Variants in TMBIM1 observed in about 807,000 individuals in gnomAD.
TMBIM1 encodes the protein transmembrane BAX inhibitor motif containing 1, also known as protein lifeguard 3.
Under a neutral mutation model 45.1 loss-of-function variants are expected in TMBIM1, and 34 were observed. That is an observed-to-expected ratio of 0.75 (90% CI 0.57 to 1.00). TMBIM1 has a LOEUF of 1.00. TMBIM1 is among the 50% of genes least tolerant of loss of function. The probability of loss-of-function intolerance (pLI) is 0.00; values close to 1 mark genes in which losing one functional copy is unlikely to be tolerated. For missense variants in TMBIM1, 374 were observed against 402.4 expected (o/e 0.93, Z 0.60); for synonymous variants, 157 against 153.5 (o/e 1.02, Z -0.17).
At chr2:218,292,347 G>T (rs1228288750) in intron 1 of TMBIM1, 119 bp downstream of exon 1, 1 of 152,230 alleles carries the variant, frequency 6.6e-6, no homozygotes, top group Admixed American at 6.5e-5. Context: ...CCCAGGAGCG[G>T]GCAAGCCGGG....
At chr2:218,283,686 A>G (rs978686040) in intron 1 of TMBIM1, among the ~76,000 whole-genome samples, 4 of 152,182 alleles carry the variant, frequency 2.6e-5, no homozygotes, top group African/African-American at 9.7e-5. Flanking sequence ...GGGATCAAAT[A>G]AAGGACTGTC....
chr2:218,291,083 C>T (rs990300111), intron 1 of TMBIM1, among the ~76,000 whole-genome samples: 2 of 152,112 alleles, frequency 1.3e-5, no homozygotes, highest in Non-Finnish European at 2.9e-5. Context: ...GCTGAGGCAC[C>T]CATTCCCAGG....
chr2:218,275,486 C>T lies in TMBIM1; in HGVS notation c.925G>A (p.Asp309Asn), dbSNP rs1259185032. 10 of 1,612,932 alleles carry T rather than the reference C, an allele frequency of 6.2e-6. No individual in the cohort carries two copies. Among genetic ancestry groups the T allele is most frequent in the African/African-American group, 2.7e-5 (2 of 74,900 alleles). The change falls in exon 12 of 12, where the codon GAT becomes AAT. Residue 309 changes from aspartate (D) to asparagine (N), a missense_variant. Coordinates refer to ENST00000258412, the MANE Select transcript of TMBIM1 (RefSeq NM_022152.6). ...IFTFVLQLMGDRN is the reference protein window; with the variant it reads ...IFTFVLQLMGNRN ...TGGGGGCTTGCTCCTTAATTGCGAT[C>T]CCCCATCAGCTGCAGCACAAAGGTG...
chr2:218,283,943 G>C (rs1240702838), intron 1 of TMBIM1: 1 of 152,156 alleles, frequency 6.6e-6, no homozygotes, highest in African/African-American at 2.4e-5. Context: ...GAAGTGGGCA[G>C]ATCATGAGGT....
chr2:218,278,696 G>C (rs1691523676), intron 5 of TMBIM1, 131 bp from the exon 6 acceptor site: 2 of 981,544 alleles, frequency 2.0e-6, no homozygotes, highest in African/African-American at 1.6e-5. Flanking sequence ...CAGGAAGCAA[G>C]AACGAGATTA....
chr2:218,292,428 C>A (rs1692997725), intron 1 of TMBIM1, 38 bp downstream of exon 1: 1 of 152,302 alleles, frequency 6.6e-6, no homozygotes, highest in Non-Finnish European at 1.5e-5. Flanking sequence ...CCACCGCCCA[C>A]AGTCCCCAAC....
chr2:218,284,840 C>T (rs960856686), intron 1 of TMBIM1, among the ~76,000 whole-genome samples: 1 of 152,242 alleles, frequency 6.6e-6, no homozygotes, highest in Non-Finnish European at 1.5e-5. Context: ...CCTGTAATCT[C>T]AACACTTTGA....
chr2:218,282,693 G>A (rs1280173642), intron 1 of TMBIM1, among the ~76,000 whole-genome samples: 1 of 152,208 alleles, frequency 6.6e-6, no homozygotes, highest in Non-Finnish European at 1.5e-5. Context: ...TGGAGAGCCG[G>A]GGGAAGAAGT....
In TMBIM1 at chr2:218,274,360, G is replaced by C. The variant is rs1029322783; in HGVS notation, c.*1115C>G. On this transcript the variant is annotated 3_prime_UTR_variant, in exon 12 of 12. Coordinates refer to ENST00000258412, the MANE Select transcript of TMBIM1 (RefSeq NM_022152.6). The stretch of plus-strand genomic sequence containing the variant: ...ACCCTTGTCCCCCTTCCCCATTCCA[G>C]CTCAAGGCACTTAATATTACAAAGA... 6 of 154,748 alleles carry C rather than the reference G, an allele frequency of 3.9e-5. No homozygotes were observed. Among genetic ancestry groups the C allele is most frequent in the African/African-American group, 1.4e-4 (6 of 41,408 alleles). The allele number at this position is 154,748 out of a possible 1,614,324, so 9.6% of individuals were successfully genotyped here.
Position 218,282,106 on chromosome 2 carries a change from G to T in TMBIM1, c.36C>A (p.Asp12Glu). 3 of 1,553,326 alleles carry T rather than the reference G, an allele frequency of 1.9e-6. No individual in the cohort carries two copies. The highest frequency in any genetic ancestry group is 1.7e-6 in the Non-Finnish European group (2 of 1,150,978). Reference protein sequence around the residue: ...SNPSAPPPYEDRNPLYPGPPP... With the variant: ...SNPSAPPPYEERNPLYPGPPP... The stretch of plus-strand genomic sequence containing the variant: ...GAGGGCCTGGGTACAGGGGGTTGCG[G>T]TCTTCATATGGTGGTGGGGCGCTGG... Residue 12 changes from aspartate to glutamate, a missense_variant, in exon 2 of 12, where the codon GAC becomes GAA. By Grantham distance (45) the Asp-to-Glu change is conservative (BLOSUM62 2). Coordinates refer to ENST00000258412, the MANE Select transcript of TMBIM1 (RefSeq NM_022152.6).
chr2:218,281,141 G>GTGTTTTTTTTTGGT (rs1691931057), intron 2 of TMBIM1: 1 of 95,702 alleles, frequency 1.0e-5, no homozygotes, highest in South Asian at 2.6e-4. Context: ...TTTTTTTTTG[G>GTGTTTTTTTTTGGT]TTTTTTTTTT....
chr2:218,279,875 G>A, intron 3 of TMBIM1, 151 bp downstream of exon 3: 1 of 652,176 alleles, frequency 1.5e-6, no homozygotes, highest in Non-Finnish European at 2.8e-6. Context: ...GAGAAGCCAG[G>A]TGCCCCTCTG....
chr2:218,277,614 G>A lies in TMBIM1; in HGVS notation c.551+19C>T, dbSNP rs1309107389. On this transcript the variant is annotated intron_variant, in intron 8 of 11. Coordinates refer to ENST00000258412, the MANE Select transcript of TMBIM1 (RefSeq NM_022152.6). Reference sequence around the variant, plus strand: ...ACAATACACATTTCCCAAGAGTGGTGCTTTATCCCTGAATGTACCTGGAAA... The same window carrying A: ...ACAATACACATTTCCCAAGAGTGGTACTTTATCCCTGAATGTACCTGGAAA... 4 of 1,614,050 alleles carry A rather than the reference G, an allele frequency of 2.5e-6. No individual in the cohort carries two copies. The highest frequency in any genetic ancestry group is 2.2e-5 in the East Asian group (1 of 44,894).
At chr2:218,275,963 C>G (rs1368086886) in intron 11 of TMBIM1, 63 bp downstream of exon 11, 1 of 1,557,130 alleles carries the variant, frequency 6.4e-7, no homozygotes, top group Non-Finnish European at 8.7e-7. Context: ...ATTCATGCCC[C>G]CTTCCCTAGA....
At chr2:218,290,155 A>G (rs1692839201) in intron 1 of TMBIM1, 1 of 152,238 alleles carries the variant, frequency 6.6e-6, no homozygotes, top group Non-Finnish European at 1.5e-5. Flanking sequence ...ACGTTAATGA[A>G]TGAGTGCTGG....
At chr2:218,287,484 T>C (rs532080589) in intron 1 of TMBIM1, among the ~76,000 whole-genome samples, 6 of 151,842 alleles carry the variant, frequency 4.0e-5, no homozygotes, top group Non-Finnish European at 8.8e-5. Flanking sequence ...CCGAGGCAGG[T>C]GGATCACGAG....
chr2:218,279,986 AG>A, intron 3 of TMBIM1, 39 bp downstream of exon 3: 1 of 1,526,164 alleles, frequency 6.6e-7, no homozygotes, highest in Non-Finnish European at 9.1e-7. Flanking sequence ...CCACAGCCTG[AG>A]GGGCCCCAGG....
chr2:218,275,362 C>T lies in TMBIM1; in HGVS notation c.*113G>A. ...TCTCCAGGACAGAAAGGAAACTGGG[C>T]ATGTTACTCAAGGGGAAGGAAAGGG... On this transcript the variant is annotated 3_prime_UTR_variant, in exon 12 of 12. Transcript: ENST00000258412. 7.2e-7 allele frequency: 1 copy of T among 1,393,462 alleles called. No homozygotes were observed. Among genetic ancestry groups the T allele is most frequent in the Non-Finnish European group, 9.6e-7 (1 of 1,044,794 alleles). 86.3% of individuals were successfully genotyped at this position (1,393,462 alleles called of 1,614,324 possible).
At chr2:218,278,331 A>T in intron 6 of TMBIM1, 184 bp downstream of exon 6, 1 of 647,320 alleles carries the variant, frequency 1.5e-6, no homozygotes, top group Non-Finnish European at 2.7e-6. Flanking sequence ...AGTGACAGCT[A>T]GTTAGCTCCT....
Sources: allele counts gnomAD v4.1 joint callset (sites outside exome capture counted in the v4.1 genomes callset), GRCh38; gene constraint gnomAD v4.1.1; transcripts MANE v1.5; gene names NCBI Gene and HGNC (gene_info 2026-07-23, HGNC 2026-07-21).